Variants in SLC35F3 observed in about 807,000 individuals in gnomAD.
SLC35F3 encodes the protein putative thiamine transporter SLC35F3.
Under a neutral mutation model 49.9 loss-of-function variants are expected in SLC35F3, and 25 were observed. The observed-to-expected ratio is 0.50, with a 90% confidence interval of 0.37 to 0.70. The LOEUF is 0.70. SLC35F3 is among the 30% of genes least tolerant of loss of function. The probability of loss-of-function intolerance (pLI) is 0.00; values close to 1 mark genes in which losing one functional copy is unlikely to be tolerated. For synonymous variants in SLC35F3, 275 were observed against 265.4 expected (o/e 1.04, Z -0.35); for missense variants, 525 against 639.8 (o/e 0.82, Z 1.94).
intron 2 of SLC35F3, among the ~76,000 whole-genome samples, chr1:234,067,725 G>A (rs779322925): frequency 7.9e-5 from 12 of 152,252 alleles, no homozygotes; most frequent in Middle Eastern, 3.4e-3. Flanking sequence ...CACCTAGCCC[G>A]AGCTGAGCCT....
At chr1:234,223,398 A>G (rs1372179128) in intron 2 of SLC35F3, among the ~76,000 whole-genome samples, 1 of 152,136 alleles carries the variant, frequency 6.6e-6, no homozygotes, top group East Asian at 1.9e-4. Context: ...CAGCCCCAAA[A>G]GGCAACTTTT....
chr1:233,949,127 G>A (rs1264926947), intron 2 of SLC35F3, among the ~76,000 whole-genome samples: 1 of 152,032 alleles, frequency 6.6e-6, no homozygotes, highest in Non-Finnish European at 1.5e-5. Flanking sequence ...CAAGCCCATG[G>A]ATCACTGGGC....
At chr1:234,095,454 G>GTT (rs1198772783) in intron 2 of SLC35F3, among the ~76,000 whole-genome samples, 1 of 152,168 alleles carries the variant, frequency 6.6e-6, no homozygotes, top group Non-Finnish European at 1.5e-5. Flanking sequence ...ACATGCAAAG[G>GTT]TGGGAAGAGG....
At chr1:234,011,102 C>G (rs1663710510) in intron 2 of SLC35F3, among the ~76,000 whole-genome samples, 1 of 152,180 alleles carries the variant, frequency 6.6e-6, no homozygotes, top group African/African-American at 2.4e-5. Context: ...AGACCCCAAA[C>G]ACTTCTAATA....
At chr1:234,232,044 G>C (rs772503363) in intron 3 of SLC35F3, among the ~76,000 whole-genome samples, 24 of 152,304 alleles carry the variant, frequency 1.6e-4, no homozygotes, top group Middle Eastern at 3.4e-3. Context: ...AGAAATGGGA[G>C]AACTGTGTAG....
In SLC35F3 at chr1:234,228,913, C is replaced by T. The variant is rs549820491; in HGVS notation, c.284-2504C>T. Among the ~76,000 whole-genome samples the T allele has an allele frequency of 3.9e-5, 6 of 152,116 alleles. No homozygotes were observed. The South Asian group carries it at 6.2e-4, about 16-fold the overall frequency. The stretch of plus-strand genomic sequence containing the variant: ...TACTTTTTATTTATATGAGGTGTGA[C>T]GTGTTTAGCAGTATGAAGAATGAGG... On this transcript the variant is annotated intron_variant, in intron 2 of 7. Coordinates refer to ENST00000366618, the MANE Select transcript of SLC35F3 (RefSeq NM_173508.4).
rs1334727579 is a variant in SLC35F3, at chr1:234,027,645, G to A, written c.283+121887G>A. Among the ~76,000 whole-genome samples, 1 of 152,196 alleles carries A rather than the reference G, an allele frequency of 6.6e-6. No homozygotes were observed. Among genetic ancestry groups the A allele is most frequent in the Non-Finnish European group, 1.5e-5 (1 of 68,038 alleles). On this transcript the variant is annotated intron_variant, in intron 2 of 7. Coordinates refer to ENST00000366618, the MANE Select transcript of SLC35F3 (RefSeq NM_173508.4). This position sits in a 1 kb window ranked among gnomAD's most constrained non-coding sequence, Gnocchi z 4.1. The stretch of plus-strand genomic sequence containing the variant: ...AGATAGTAGAAAGAAAGGGACAGAT[G>A]TGAATGATAGTGAGAAAATAAAATT...
intron 3 of SLC35F3, among the ~76,000 whole-genome samples, chr1:234,236,243 C>G (rs1278101109): frequency 1.3e-5 from 2 of 152,014 alleles, no homozygotes; most frequent in Admixed American, 1.3e-4. Context: ...AAGTTCAAGA[C>G]CAGCCTTGGC....
intron 2 of SLC35F3, among the ~76,000 whole-genome samples, chr1:234,003,019 T>C (rs1158729682): frequency 6.6e-6 from 1 of 152,188 alleles, no homozygotes; most frequent in Non-Finnish European, 1.5e-5. Flanking sequence ...CTTTTTGTTT[T>C]GAGCACTTTC....
intron 2 of SLC35F3, among the ~76,000 whole-genome samples, chr1:233,963,572 A>C (rs932384425): frequency 1.3e-5 from 2 of 151,622 alleles, no homozygotes; most frequent in Non-Finnish European, 2.9e-5. Context: ...AAGTGCTGGG[A>C]TTACAGGCAT....
chr1:233,944,770 T>A (rs1349635960), intron 2 of SLC35F3, among the ~76,000 whole-genome samples: 1 of 152,212 alleles, frequency 6.6e-6, no homozygotes, highest in Admixed American at 6.5e-5. Flanking sequence ...TAAAGTGCCC[T>A]GCTTGTTGCA....
At chr1:234,064,485 AAGATGTTTTCCT>A (rs1200175325) in intron 2 of SLC35F3, among the ~76,000 whole-genome samples, 4 of 152,178 alleles carry the variant, frequency 2.6e-5, no homozygotes, top group African/African-American at 7.2e-5. Flanking sequence ...CTCTGTAAGC[AAGATGTTTTCCT>A]AGATGTTTTC....
chr1:234,023,744 T>C (rs1663935713), intron 2 of SLC35F3, among the ~76,000 whole-genome samples: 1 of 152,008 alleles, frequency 6.6e-6, no homozygotes, highest in Non-Finnish European at 1.5e-5. Flanking sequence ...ATATGCACCC[T>C]TGACACGATG....
Position 234,227,392 on chromosome 1 carries a change from CTTT to C in SLC35F3, c.284-4003_284-4001del, listed in dbSNP as rs369277069. Reference sequence around the variant, plus strand: ...TCCTTGAGGCACTGCCTCTTTCTTTCTTTTTTTTTTTTTTTTTTTTTTTTGAGA... The same window carrying C: ...TCCTTGAGGCACTGCCTCTTTCTTTCTTTTTTTTTTTTTTTTTTTTTGAGA... On this transcript the variant is annotated intron_variant, in intron 2 of 7. Transcript: ENST00000366618. Among the ~76,000 whole-genome samples the C allele has an allele frequency of 1.6e-3, 171 of 108,604 alleles. 1 individual carries two copies. The highest frequency in any genetic ancestry group is 4.1e-3 in the African/African-American group (157 of 38,110). 71.2% of individuals were successfully genotyped at this position (108,604 alleles called of 152,430 possible).
At chr1:234,190,721 C>T (rs76183094) in intron 2 of SLC35F3, among the ~76,000 whole-genome samples, 2,699 of 152,276 alleles carry the variant, frequency 0.018, 36 homozygotes, top group Non-Finnish European at 0.03. Context: ...CTTGACTTAA[C>T]GGATATTTTA....
intron 2 of SLC35F3, among the ~76,000 whole-genome samples, chr1:234,090,134 T>C (rs984105929): frequency 6.6e-6 from 1 of 152,258 alleles, no homozygotes; most frequent in African/African-American, 2.4e-5. Context: ...CCTTTTGAGG[T>C]TGGTGGCTCT....
chr1:233,989,336 G>A (rs1340679637), intron 2 of SLC35F3, among the ~76,000 whole-genome samples: 2 of 152,280 alleles, frequency 1.3e-5, no homozygotes, highest in East Asian at 3.9e-4. Context: ...GTTTCATAAT[G>A]AAATTTTCTG....
chr1:234,238,072 G>A (rs1268027105), intron 3 of SLC35F3, among the ~76,000 whole-genome samples: 1 of 152,146 alleles, frequency 6.6e-6, no homozygotes, highest in Non-Finnish European at 1.5e-5. Flanking sequence ...TCTTACAGTT[G>A]ATGTTTTTGT....
At chr1:234,291,821 T>A (rs550648422) in intron 3 of SLC35F3, among the ~76,000 whole-genome samples, 5 of 152,214 alleles carry the variant, frequency 3.3e-5, no homozygotes, top group Non-Finnish European at 7.3e-5. Flanking sequence ...TTGACTGCAG[T>A]TGGTCCTTGT....
Sources: allele counts gnomAD v4.1 joint callset (sites outside exome capture counted in the v4.1 genomes callset), GRCh38; gene constraint gnomAD v4.1.1; non-coding constraint Gnocchi (gnomAD v3.1); transcripts MANE v1.5; gene names NCBI Gene and HGNC (gene_info 2026-07-23, HGNC 2026-07-21).